Variants in OXSR1 observed in about 807,000 individuals in gnomAD.
OXSR1 encodes the protein serine/threonine-protein kinase OSR1.
Under a neutral mutation model 79.8 loss-of-function variants are expected in OXSR1, and 24 were observed. The ratio of observed to expected loss-of-function variants is 0.30; its 90% CI spans 0.22 to 0.42. The LOEUF (loss-of-function observed/expected upper bound fraction) is 0.42. OXSR1 is among the 10% of genes least tolerant of loss of function. OXSR1 has a pLI of 1.00. For synonymous variants in OXSR1, 226 were observed against 209.2 expected, an observed-to-expected ratio of 1.08 and a Z score of -0.69; for missense variants, 430 against 618.4, an observed-to-expected ratio of 0.70 and a Z score of 3.23.
At chr3:38,233,017 G>A (rs766435535) in intron 10 of OXSR1, among the ~76,000 whole-genome samples, 2 of 152,040 alleles carry the variant, frequency 1.3e-5, no homozygotes, top group African/African-American at 2.4e-5. Context: ...TGAAAGTAGG[G>A]CTAAAAACAG....
intron 5 of OXSR1, among the ~76,000 whole-genome samples, chr3:38,217,792 C>G (rs563258182): frequency 6.6e-6 from 1 of 152,170 alleles, no homozygotes; most frequent in Non-Finnish European, 1.5e-5. Flanking sequence ...CCTCTCACCC[C>G]AGCCATGGGT....
intron 4 of OXSR1, among the ~76,000 whole-genome samples, chr3:38,212,699 C>T (rs1458556281): frequency 2.0e-5 from 3 of 152,098 alleles, no homozygotes; most frequent in East Asian, 1.9e-4. Flanking sequence ...GAGTGTGTAA[C>T]TTTGGGGCAA....
chr3:38,183,856 C>G (rs1229036685), intron 2 of OXSR1, among the ~76,000 whole-genome samples: 1 of 152,084 alleles, frequency 6.6e-6, no homozygotes, highest in Non-Finnish European at 1.5e-5. Flanking sequence ...ATAGTAAGTG[C>G]TCAGCAAGGG....
rs1702114698 is a variant in OXSR1, at chr3:38,198,961, G to T, written c.434+98G>T. 3.0e-6 allele frequency: 3 copies of T among 993,980 alleles called. No individual in the cohort carries two copies. The South Asian group carries it at 5.0e-5, about 16-fold the overall frequency. 61.6% of individuals were successfully genotyped at this position (993,980 alleles called of 1,614,324 possible). A position where few individuals can be genotyped will look rare whatever the true frequency, so the allele number is the denominator to read the frequency against. On this transcript the variant is annotated intron_variant, in intron 4 of 17. Transcript: ENST00000311806. ...TCTCTGACTGTTATCATAGCTCTTT[G>T]TATCACTAGTTTTAGTACACTGTGG...
At chr3:38,240,908 A>T (rs1004550119) in intron 11 of OXSR1, among the ~76,000 whole-genome samples, 2 of 152,212 alleles carry the variant, frequency 1.3e-5, no homozygotes, top group Non-Finnish European at 2.9e-5. Flanking sequence ...GCGGTAGGCT[A>T]CCAAGTGCTG....
chr3:38,216,589 G>A lies in OXSR1; in HGVS notation c.490+438G>A, dbSNP rs1381119365. Among the ~76,000 whole-genome samples the A allele has an allele frequency of 2.0e-5, 3 of 152,224 alleles. No homozygotes were observed. In the East Asian group the frequency reaches 5.8e-4, roughly 29 times the overall value. The stretch of plus-strand genomic sequence containing the variant: ...GCCTGAGAAGTAGAAGTGCACTTTT[G>A]GCAGTTTCAGAGCTGAAGGGATAAG... On this transcript the variant is annotated intron_variant, in intron 5 of 17. Coordinates refer to ENST00000311806, the MANE Select transcript of OXSR1 (RefSeq NM_005109.3).
intron 2 of OXSR1, among the ~76,000 whole-genome samples, chr3:38,183,409 TATC>T (rs1429669025): frequency 6.6e-6 from 1 of 152,236 alleles, no homozygotes; most frequent in African/African-American, 2.4e-5. Flanking sequence ...TTTAATAATT[TATC>T]ATAGAACTTT....
chr3:38,200,970 T>C (rs1702152105), intron 4 of OXSR1, among the ~76,000 whole-genome samples: 1 of 152,214 alleles, frequency 6.6e-6, no homozygotes, highest in African/African-American at 2.4e-5. Context: ...ACATGAAGAA[T>C]AGTATCGATT....
intron 3 of OXSR1, among the ~76,000 whole-genome samples, chr3:38,191,395 T>G (rs1701983446): frequency 6.6e-6 from 1 of 152,072 alleles, no homozygotes; most frequent in Non-Finnish European, 1.5e-5. Flanking sequence ...GATGCTTCCT[T>G]CTTGCTTCCT....
At position 38,210,176 on chromosome 3, in the gene OXSR1, C is replaced by G. The variant is rs9870160; in HGVS notation, c.435-5920C>G. 6.6e-3 allele frequency among the ~76,000 whole-genome samples: 995 copies of G among 151,896 alleles called. 10 individuals are homozygous for G. Among genetic ancestry groups the G allele is most frequent in the African/African-American group, 0.023 (958 of 41,418 alleles). ...CTATAGGTAAGGTGTTCTTTTTCCT[C>G]TGACATCTATCAATATTTTTGTCTC... On this transcript the variant is annotated intron_variant, in intron 4 of 17. Coordinates refer to ENST00000311806, the MANE Select transcript of OXSR1 (RefSeq NM_005109.3).
chr3:38,166,368 C>T (rs1324430891), intron 1 of OXSR1, among the ~76,000 whole-genome samples: 1 of 152,116 alleles, frequency 6.6e-6, no homozygotes, highest in Non-Finnish European at 1.5e-5. Flanking sequence ...TTTCCTCCAT[C>T]CGTGCTGGGG....
intron 3 of OXSR1, among the ~76,000 whole-genome samples, chr3:38,197,120 A>C (rs1179309195): frequency 6.6e-6 from 1 of 152,248 alleles, no homozygotes; most frequent in South Asian, 2.1e-4. Context: ...ATTAAGCAGA[A>C]CAAACTTCTT....
At chr3:38,195,707 A>G (rs1045495064) in intron 3 of OXSR1, among the ~76,000 whole-genome samples, 1 of 152,196 alleles carries the variant, frequency 6.6e-6, no homozygotes, top group African/African-American at 2.4e-5. Context: ...AGACTTATCA[A>G]GTGTCTGAAG....
intron 4 of OXSR1, among the ~76,000 whole-genome samples, chr3:38,209,633 CTTT>C (rs36124151): frequency 1.2e-4 from 16 of 132,200 alleles, no homozygotes; most frequent in Admixed American, 2.3e-4. Flanking sequence ...ATCAATTATA[CTTT>C]TTTTTTTTTT....
rs1277168235 is a variant in OXSR1 at position 38,252,990 on chromosome 3, C to T, written c.*99C>T. The T allele has an allele frequency of 1.1e-6, 1 of 887,712 alleles. No individual in the cohort carries two copies. Among genetic ancestry groups the T allele is most frequent in the Non-Finnish European group, 1.9e-6 (1 of 537,774 alleles). 55.0% of individuals were successfully genotyped at this position (887,712 alleles called of 1,614,324 possible). A position where few individuals can be genotyped will look rare whatever the true frequency, so the allele number is the denominator to read the frequency against. ...CCACTACTGCCAAAGAACCCAGCAA[C>T]AAACCTCCCGGCTAGGAGCTTTAGA... On this transcript the variant is annotated 3_prime_UTR_variant, in exon 18 of 18. Transcript: ENST00000311806.
Position 38,190,720 on chromosome 3 carries a change from C to G in OXSR1, c.184-11C>G, listed in dbSNP as rs752859478. 7.1e-7 allele frequency: 1 copy of G among 1,414,166 alleles called. No homozygotes were observed. The highest frequency in any genetic ancestry group is 1.0e-6 in the Non-Finnish European group (1 of 1,000,036). The allele number at this position is 1,414,166 out of a possible 1,614,324, so 87.6% of individuals were successfully genotyped here. On this transcript the variant is annotated splice_polypyrimidine_tract_variant and intron_variant, in intron 2 of 17. Transcript: ENST00000311806. ...CATATAATGAATTATTATGTTTTCT[C>G]TTCTTTGTAGAAAGAAATTCAAGCC...
intron 1 of OXSR1, among the ~76,000 whole-genome samples, chr3:38,166,519 G>A (rs2125795999): frequency 6.6e-6 from 1 of 152,232 alleles, no homozygotes; most frequent in South Asian, 2.1e-4. Flanking sequence ...AGGGCTGGGC[G>A]TGGTGGCTCA....
intron 12 of OXSR1, among the ~76,000 whole-genome samples, chr3:38,245,286 A>G (rs1225646445): frequency 1.3e-5 from 2 of 152,142 alleles, no homozygotes; most frequent in Admixed American, 1.3e-4. Flanking sequence ...AATTTTGAAT[A>G]TGTTTAACTT....
chr3:38,222,491 T>C (rs1408012128), intron 6 of OXSR1, among the ~76,000 whole-genome samples: 1 of 151,834 alleles, frequency 6.6e-6, no homozygotes, highest in Non-Finnish European at 1.5e-5. Flanking sequence ...AAGAGCAGAG[T>C]GGGGAGGGGA....
Sources: allele counts gnomAD v4.1 joint callset (sites outside exome capture counted in the v4.1 genomes callset), GRCh38; gene constraint gnomAD v4.1.1; transcripts MANE v1.5; gene names NCBI Gene and HGNC (gene_info 2026-07-23, HGNC 2026-07-21).